NLRP5: variants seen among roughly 807,000 people sequenced by gnomAD.
NLRP5 encodes NACHT, LRR and PYD domains-containing protein 5.
In NLRP5, 93 loss-of-function variants were observed where a neutral mutation model predicts 113.1. The observed-to-expected ratio is 0.82, with a 90% CI of 0.70 to 0.98. The LOEUF (loss-of-function observed/expected upper bound fraction) is 0.98. Among genes scored for constraint, NLRP5 ranks in the 50% least tolerant of loss-of-function variants. The pLI is 0.00. For synonymous variants in NLRP5, 751 were observed against 600.7 expected (o/e 1.25, Z -3.66); for missense variants, 1,808 against 1,514.3 (o/e 1.19, Z -3.22).
the NLRP5 span, among the ~76,000 whole-genome samples, chr19:55,989,690 A>T: frequency 2.6e-5 from 4 of 152,250 alleles, no homozygotes; most frequent in South Asian, 8.3e-4. Flanking sequence ...TGGCATTAAG[A>T]GCCTTACAGA....
chr19:56,002,800 C>A (rs561738489), intron 1 of NLRP5, among the ~76,000 whole-genome samples: 240 of 151,914 alleles, frequency 1.6e-3, no homozygotes, highest in Middle Eastern at 3.4e-3. Context: ...TGAACTCATC[C>A]TTTTTTATGG....
At chr19:56,008,709 C>T (rs1982049904) in intron 2 of NLRP5, 79 bp from the exon 3 acceptor site, 6 of 1,259,730 alleles carry the variant, frequency 4.8e-6, no homozygotes, top group Non-Finnish European at 6.8e-6. Context: ...ATAATTTGGA[C>T]ACGGGACATT....
In NLRP5 at chr19:56,005,210, TACAC is replaced by T. The variant is rs201854651; in HGVS notation, c.442+1119_442+1122del. Among the ~76,000 whole-genome samples, 26 of 135,998 alleles carry T rather than the reference TACAC, an allele frequency of 1.9e-4. 1 individual carries two copies. The highest frequency in any genetic ancestry group is 3.0e-4 in the Non-Finnish European group (20 of 66,174). 89.2% of individuals were successfully genotyped at this position (135,998 alleles called of 152,430 possible). ...ACATATTTTTATATACACATACACA[TACAC>T]ACATATACACATATATTTTTATATA... On this transcript the variant is annotated intron_variant, in intron 2 of 14. Coordinates refer to ENST00000390649, the MANE Select transcript of NLRP5 (RefSeq NM_153447.4).
At chr19:56,007,172 G>A (rs1160543607) in intron 2 of NLRP5, among the ~76,000 whole-genome samples, 1 of 151,374 alleles carries the variant, frequency 6.6e-6, no homozygotes, top group African/African-American at 2.5e-5. Context: ...AGACTAGCCT[G>A]TCTAACACGG....
Position 56,027,587 on chromosome 19 carries a change from A to G in NLRP5, c.1354A>G (p.Thr452Ala), listed in dbSNP as rs1489880864. 6.2e-7 allele frequency: 1 copy of G among 1,613,944 alleles called. No homozygotes were observed. The highest frequency in any genetic ancestry group is 1.1e-5 in the South Asian group (1 of 91,078). Residue 452 changes from threonine to alanine, a missense_variant, in exon 7 of 15, where the codon ACA becomes GCA. Physicochemically the swap from Thr to Ala is moderately conservative, Grantham distance 58. Transcript: ENST00000390649. ...GCGCGGGATTGGTGAGCATCAGAAG[A>G]CACAAGGGTTGCGTGCGATCATGAA... is the stretch of plus-strand genomic sequence containing the variant.
chr19:56,022,463 A>G (rs1422720542), intron 6 of NLRP5, among the ~76,000 whole-genome samples: 1 of 152,130 alleles, frequency 6.6e-6, no homozygotes, highest in Non-Finnish European at 1.5e-5. Context: ...TCCTGGCCTC[A>G]AGTGATCTGC....
In NLRP5 at chr19:56,022,882, A is replaced by ACG. The variant is rs1982671687; in HGVS notation, c.679+2452_679+2453insGC. Among the ~76,000 whole-genome samples the ACG allele has an allele frequency of 2.0e-5, 3 of 151,996 alleles. No individual in the cohort carries two copies. The South Asian group carries it at 6.2e-4, about 32-fold the overall frequency. On this transcript the variant is annotated intron_variant, in intron 6 of 14. Coordinates refer to ENST00000390649, the MANE Select transcript of NLRP5 (RefSeq NM_153447.4). ...TGGGATTACAGGCATGTGCCACCAC[A>ACG]CCCGGCTAATTTTGTATTTTTAGTA...
At chr19:56,031,919 T>A (rs1983131422) in intron 7 of NLRP5, among the ~76,000 whole-genome samples, 1 of 152,202 alleles carries the variant, frequency 6.6e-6, no homozygotes, top group Admixed American at 6.5e-5. Flanking sequence ...TTCTTCCGGG[T>A]ATACACCCAG....
intron 11 of NLRP5, among the ~76,000 whole-genome samples, chr19:56,044,444 T>C (rs1663583590): frequency 6.6e-6 from 1 of 152,220 alleles, no homozygotes; most frequent in African/African-American, 2.4e-5. Flanking sequence ...GGCTAGCCAA[T>C]TATCTCAGCA....
intron 3 of NLRP5, among the ~76,000 whole-genome samples, chr19:56,012,725 CACTT>C (rs779188392): frequency 3.3e-5 from 5 of 152,058 alleles, no homozygotes; most frequent in African/African-American, 7.2e-5. Flanking sequence ...TAATGAATGA[CACTT>C]ACAGACTTCT....
chr19:56,032,994 C>T (rs1983181232), intron 8 of NLRP5, among the ~76,000 whole-genome samples: 1 of 152,088 alleles, frequency 6.6e-6, no homozygotes, highest in Admixed American at 6.6e-5. Context: ...GCCTGTAATC[C>T]CAGCACTTTG....
At chr19:56,031,364 C>A (rs965551556) in intron 7 of NLRP5, among the ~76,000 whole-genome samples, 39 of 152,212 alleles carry the variant, frequency 2.6e-4, no homozygotes, top group African/African-American at 9.4e-4. Context: ...ATTGGTGGCT[C>A]ACGCCTGTCA....
chr19:56,015,843 G>A (rs1982383476), intron 4 of NLRP5, 45 bp downstream of exon 4: 1 of 1,470,748 alleles, frequency 6.8e-7, no homozygotes, highest in South Asian at 1.3e-5. Context: ...CTGGAAGAAA[G>A]TTGGGTGAGA....
intron 6 of NLRP5, among the ~76,000 whole-genome samples, chr19:56,025,261 C>A (rs1415963142): frequency 6.6e-6 from 1 of 152,184 alleles, no homozygotes; most frequent in Non-Finnish European, 1.5e-5. Context: ...CCCTTCCACC[C>A]CGGTGTGTGG....
intron 9 of NLRP5, among the ~76,000 whole-genome samples, chr19:56,035,444 A>T (rs1983275954): frequency 6.6e-6 from 1 of 152,180 alleles, no homozygotes; most frequent in Admixed American, 6.6e-5. Context: ...CTGGGAACAG[A>T]TGGAGGAAGC....
At position 56,050,484 on chromosome 19, in the gene NLRP5, A is replaced by G. The variant is rs1983892376; in HGVS notation, c.3024A>G (p.Ser1008=). ...TTGCACTTGCGCTTATGGGTAACTCATGGCTGACGCACCTGAGCCTTAGCA... is the reference window on the plus strand; with the variant it reads ...TTGCACTTGCGCTTATGGGTAACTCGTGGCTGACGCACCTGAGCCTTAGCA... The change falls in exon 12 of 15, where the codon TCA becomes TCG. Residue 1008 remains serine (S), a synonymous_variant. Transcript: ENST00000390649. 1 of 1,613,476 alleles carries G rather than the reference A, an allele frequency of 6.2e-7. No individual in the cohort carries two copies. Among genetic ancestry groups the G allele is most frequent in the Admixed American group, 1.7e-5 (1 of 59,980 alleles).
intron 14 of NLRP5, among the ~76,000 whole-genome samples, chr19:56,059,555 T>C (rs1047949475): frequency 6.6e-6 from 1 of 152,198 alleles, no homozygotes; most frequent in Non-Finnish European, 1.5e-5. Flanking sequence ...TTTTTTGAGA[T>C]GGAGTCTCAC....
chr19:56,036,330 G>A (rs1983315736), intron 9 of NLRP5, among the ~76,000 whole-genome samples: 1 of 151,412 alleles, frequency 6.6e-6, no homozygotes, highest in South Asian at 2.1e-4. Context: ...GCCTCCCAAA[G>A]TGCTGGGATT....
At chr19:55,990,090 T>TTC in the NLRP5 span, among the ~76,000 whole-genome samples, 26 of 66,542 alleles carry the variant, frequency 3.9e-4, 1 homozygote, top group Admixed American at 3.4e-3. Context: ...TTTTTTTTTT[T>TTC]TTTTTTTTTT....
Sources: gnomAD v4.1 joint callset for allele counts (sites outside exome capture counted in the v4.1 genomes callset) on GRCh38, gnomAD v4.1.1 for gene constraint, MANE v1.5 for transcripts, NCBI Gene and HGNC (gene_info 2026-07-23, HGNC 2026-07-21) for gene names.